Variants in PDGFD observed in about 807,000 individuals in gnomAD.
PDGFD encodes platelet derived growth factor D, also known as platelet-derived growth factor D.
A neutral mutation model predicts 44.7 loss-of-function variants in PDGFD; 30 were observed. The observed-to-expected ratio is 0.67, with a 90% confidence interval of 0.50 to 0.91. The LOEUF (loss-of-function observed/expected upper bound fraction) is 0.91, where lower values mean the gene tolerates loss of function less well. Ranked by LOEUF, PDGFD falls within the 40% of genes least tolerant of loss-of-function variation. The pLI is 0.00. For missense variants in PDGFD, 445 were observed against 457.8 expected (o/e 0.97, Z 0.25); for synonymous variants, 173 against 168.4 (o/e 1.03, Z -0.21).
intron 5 of PDGFD, 43 bp downstream of exon 5, chr11:103,943,409 T>C: frequency 6.4e-7 from 1 of 1,559,696 alleles, no homozygotes. Flanking sequence ...ACTGTTAAGA[T>C]TTCTATGTGC....
intron 1 of PDGFD, chr11:104,037,974 T>A: frequency 6.2e-7 from 1 of 1,614,060 alleles, no homozygotes; most frequent in Non-Finnish European, 8.5e-7. Flanking sequence ...ACAAGGAAAT[T>A]ACACATTCAG....
chr11:103,974,629 G>GC (rs1444150945), intron 3 of PDGFD, among the ~76,000 whole-genome samples: 2 of 151,838 alleles, frequency 1.3e-5, no homozygotes, highest in East Asian at 3.9e-4. Flanking sequence ...CCCTCCCCTT[G>GC]CCCCCCACCT....
chr11:104,055,415 G>A (rs950517711), intron 1 of PDGFD, among the ~76,000 whole-genome samples: 2 of 152,144 alleles, frequency 1.3e-5, no homozygotes, highest in African/African-American at 4.8e-5. Flanking sequence ...TTGGCTCCAG[G>A]ATCTGAAAAT....
intron 1 of PDGFD, among the ~76,000 whole-genome samples, chr11:104,065,608 G>T (rs148827134): frequency 6.6e-6 from 1 of 152,014 alleles, no homozygotes; most frequent in Non-Finnish European, 1.5e-5. Context: ...AAATTAACTG[G>T]CAATAGAAAA....
chr11:103,999,076 C>T (rs1243187814), intron 2 of PDGFD, among the ~76,000 whole-genome samples: 2 of 152,066 alleles, frequency 1.3e-5, no homozygotes, highest in African/African-American at 4.8e-5. Context: ...ATGTATTCAT[C>T]TCTGCTTTCT....
intron 1 of PDGFD, among the ~76,000 whole-genome samples, chr11:104,011,269 C>T: frequency 6.6e-6 from 1 of 152,004 alleles, no homozygotes; most frequent in South Asian, 2.1e-4. Flanking sequence ...CACAAATTCC[C>T]AGGAGAAAGC....
Position 103,997,745 on chromosome 11 carries a change from C to A in PDGFD, c.330-1500G>T, listed in dbSNP as rs111950696. 2.0e-5 allele frequency among the ~76,000 whole-genome samples: 3 copies of A among 152,148 alleles called. No homozygotes were observed. In the East Asian group the frequency reaches 5.8e-4, roughly 29 times the overall value. On this transcript the variant is annotated intron_variant, in intron 2 of 6. Coordinates refer to ENST00000393158, the MANE Select transcript of PDGFD (RefSeq NM_025208.5). ...ATCATATTTACTGCACAAAGCATGA[C>A]TATAATTGAAACTTTTAATAACACC...
chr11:103,991,170 AG>A (rs1415351936), intron 3 of PDGFD, among the ~76,000 whole-genome samples: 3 of 151,800 alleles, frequency 2.0e-5, no homozygotes, highest in African/African-American at 7.3e-5. Context: ...TCAGCTTAGG[AG>A]GATGATGCTC....
chr11:104,020,774 T>C (rs888270683), intron 1 of PDGFD, among the ~76,000 whole-genome samples: 1 of 152,180 alleles, frequency 6.6e-6, no homozygotes, highest in Non-Finnish European at 1.5e-5. Flanking sequence ...TCTGTTTGAA[T>C]AGTTTCAAAC....
intron 1 of PDGFD, among the ~76,000 whole-genome samples, chr11:104,118,392 C>T (rs896424183): frequency 5.3e-4 from 81 of 152,036 alleles, no homozygotes; most frequent in Middle Eastern, 3.4e-3. Flanking sequence ...GAAACCTAAT[C>T]AACCTAGCAA....
At chr11:104,074,867 T>C (rs1860932483) in intron 1 of PDGFD, among the ~76,000 whole-genome samples, 1 of 152,172 alleles carries the variant, frequency 6.6e-6, no homozygotes, top group African/African-American at 2.4e-5. Flanking sequence ...AATTATGTGG[T>C]GAAACAAAAG....
At chr11:104,093,524 T>C (rs1173015360) in intron 1 of PDGFD, among the ~76,000 whole-genome samples, 1 of 152,086 alleles carries the variant, frequency 6.6e-6, no homozygotes, top group African/African-American at 2.4e-5. Flanking sequence ...TCTTCCTTTA[T>C]TGGTTTGATT....
chr11:104,004,330 T>A (rs185155919), intron 1 of PDGFD, among the ~76,000 whole-genome samples: 1 of 152,334 alleles, frequency 6.6e-6, no homozygotes, highest in Admixed American at 6.5e-5. Context: ...TGCTTGTGTC[T>A]GTGCTGAACA....
chr11:104,037,320 C>T, intron 1 of PDGFD: 1 of 1,613,826 alleles, frequency 6.2e-7, no homozygotes, highest in South Asian at 1.1e-5. Context: ...GCAACCCTCC[C>T]TTGGCGGAAG....
At chr11:103,916,003 G>C (rs997117278) in intron 6 of PDGFD, among the ~76,000 whole-genome samples, 2 of 152,038 alleles carry the variant, frequency 1.3e-5, no homozygotes, top group Non-Finnish European at 2.9e-5. Context: ...AGAAAACCTA[G>C]GCAATACCAT....
At chr11:103,925,182 AT>A (rs1406609165) in intron 6 of PDGFD, among the ~76,000 whole-genome samples, 2 of 151,994 alleles carry the variant, frequency 1.3e-5, no homozygotes, top group Non-Finnish European at 2.9e-5. Context: ...TATGTGCCAC[AT>A]TTTCTTTATC....
At chr11:103,930,173 T>G (rs1160687368) in intron 5 of PDGFD, among the ~76,000 whole-genome samples, 1 of 152,214 alleles carries the variant, frequency 6.6e-6, no homozygotes, top group African/African-American at 2.4e-5. Flanking sequence ...CTGGAAAGGC[T>G]GGGAAGGCTC....
chr11:103,995,006 G>T (rs1031012135), intron 3 of PDGFD, among the ~76,000 whole-genome samples: 9 of 151,426 alleles, frequency 5.9e-5, no homozygotes, highest in African/African-American at 2.2e-4. Flanking sequence ...AGCTTCCCCA[G>T]TAGCTGGGAC....
intron 1 of PDGFD, among the ~76,000 whole-genome samples, chr11:104,156,700 G>C (rs1862312574): frequency 6.6e-6 from 1 of 152,128 alleles, no homozygotes; most frequent in Non-Finnish European, 1.5e-5. Flanking sequence ...ATACCAGAGG[G>C]AAGATGAAGG....
Sources: allele counts gnomAD v4.1 joint callset (sites outside exome capture counted in the v4.1 genomes callset), GRCh38; gene constraint gnomAD v4.1.1; transcripts MANE v1.5; gene names NCBI Gene and HGNC (gene_info 2026-07-23, HGNC 2026-07-21).